The following HEATR5A variants were observed in gnomAD, a reference collection of about 807,000 sequenced individuals.
HEATR5A encodes the protein HEAT repeat-containing protein 5A.
A neutral mutation model predicts 218.8 loss-of-function variants in HEATR5A; 178 were observed. The observed-to-expected ratio is 0.81, with a 90% CI of 0.72 to 0.92. The LOEUF is 0.92. Ranked by LOEUF, HEATR5A falls within the 40% of genes least tolerant of loss-of-function variation. HEATR5A has a pLI of 0.00. For missense variants in HEATR5A, 2,420 were observed against 2,418.9 expected, an observed-to-expected ratio of 1.00 and a Z score of -0.01; for synonymous variants, 864 against 871.6, an observed-to-expected ratio of 0.99 and a Z score of 0.15.
rs1192717977 is a variant in HEATR5A, at chr14:31,295,278, C to A, written c.5619+631G>T. On this transcript the variant is annotated intron_variant, in intron 34 of 35. Coordinates refer to ENST00000543095, the MANE Select transcript of HEATR5A (RefSeq NM_015473.4). The stretch of plus-strand genomic sequence containing the variant: ...GTCTTTTTTTTGAGACAGCGTCTGG[C>A]TCTGTCATCCAGGCTGCGGTGCAGT... Among the ~76,000 whole-genome samples the A allele has an allele frequency of 4.6e-5, 7 of 152,112 alleles. No individual in the cohort carries two copies. The East Asian group carries it at 1.2e-3, about 25-fold the overall frequency.
chr14:31,306,412 G>A (rs553234811), intron 31 of HEATR5A, among the ~76,000 whole-genome samples: 2 of 152,294 alleles, frequency 1.3e-5, no homozygotes, highest in African/African-American at 4.8e-5. Context: ...GAGCCTGGGA[G>A]GTTGAGGCTG....
intron 12 of HEATR5A, among the ~76,000 whole-genome samples, chr14:31,374,012 C>A (rs982604212): frequency 6.6e-6 from 1 of 151,962 alleles, no homozygotes; most frequent in African/African-American, 2.4e-5. Context: ...ATACAACATA[C>A]AAAATATGTG....
Position 31,347,923 on chromosome 14 carries a change from T to C in HEATR5A, c.2709-16A>G. ...TGATTTCAATCTGTAAATATAAAAA[T>C]AAAAATAAACGGTAATCACTGCAAA... On this transcript the variant is annotated splice_polypyrimidine_tract_variant and intron_variant, in intron 18 of 35. Transcript: ENST00000543095. The C allele has an allele frequency of 2.8e-6, 4 of 1,431,524 alleles. No homozygotes were observed. The highest frequency in any genetic ancestry group is 3.7e-6 in the Non-Finnish European group (4 of 1,082,464). The allele number at this position is 1,431,524 out of a possible 1,614,324, so 88.7% of individuals were successfully genotyped here. A position where few individuals can be genotyped will look rare whatever the true frequency, so the allele number is the denominator to read the frequency against.
intron 33 of HEATR5A, among the ~76,000 whole-genome samples, chr14:31,300,931 A>C (rs999248861): frequency 1.3e-5 from 2 of 151,906 alleles, no homozygotes; most frequent in Non-Finnish European, 2.9e-5. Context: ...ATTTTTTTTT[A>C]TTGTACTAGA....
intron 1 of HEATR5A, among the ~76,000 whole-genome samples, chr14:31,416,598 G>T (rs2031458042): frequency 2.7e-5 from 4 of 149,126 alleles, no homozygotes; most frequent in East Asian, 2.0e-4. Context: ...AATATTTTGT[G>T]TTGTTACCAT....
At chr14:31,367,648 A>G (rs1178669932) in intron 13 of HEATR5A, among the ~76,000 whole-genome samples, 1 of 128,600 alleles carries the variant, frequency 7.8e-6, no homozygotes. Context: ...TGAACTTCTG[A>G]CCTCAAATGA....
chr14:31,352,483 T>TACAA, intron 16 of HEATR5A, among the ~76,000 whole-genome samples: 1 of 152,300 alleles, frequency 6.6e-6, no homozygotes, highest in East Asian at 1.9e-4. Flanking sequence ...ATCATTCTGC[T>TACAA]GAGGCTACAA....
intron 13 of HEATR5A, among the ~76,000 whole-genome samples, chr14:31,368,078 T>G (rs989519587): frequency 6.6e-6 from 1 of 152,048 alleles, no homozygotes; most frequent in Admixed American, 6.6e-5. Flanking sequence ...TGCTGGGAGG[T>G]AGGGCCTTTT....
chr14:31,315,056 C>T (rs1455759535), intron 27 of HEATR5A, among the ~76,000 whole-genome samples: 1 of 152,034 alleles, frequency 6.6e-6, no homozygotes, highest in African/African-American at 2.4e-5. Context: ...ACCTGTAGTC[C>T]CAGCTACTTG....
chr14:31,398,525 G>A, intron 4 of HEATR5A, 148 bp downstream of exon 4: 1 of 550,574 alleles, frequency 1.8e-6, no homozygotes, highest in Non-Finnish European at 3.2e-6. Flanking sequence ...TACATACAGT[G>A]CATCACCTAG....
At chr14:31,383,875 A>G in intron 9 of HEATR5A, 104 bp from the exon 10 acceptor site, 1 of 848,224 alleles carries the variant, frequency 1.2e-6, no homozygotes, top group Non-Finnish European at 1.7e-6. Flanking sequence ...ATATATTTTT[A>G]TCAAAAGCCA....
intron 11 of HEATR5A, among the ~76,000 whole-genome samples, chr14:31,377,189 C>T (rs1036159208): frequency 1.1e-4 from 17 of 148,478 alleles, no homozygotes; most frequent in Non-Finnish European, 2.2e-4. Context: ...CTTGGAGAAA[C>T]GGCTGATGGC....
rs1899509477 is a variant in HEATR5A, at chr14:31,304,988, T to C, written c.5156A>G (p.Gln1719Arg). Reference protein sequence around the residue: ...GSPGVKATKPQILLEDGSRLV... With the variant: ...GSPGVKATKPRILLEDGSRLV... ...TCTACTTCCATCTTCTAATAGTATC[T>C]GTGGCTTCGTAGCTTTTACTCCTGG... Residue 1719 changes from glutamine (Q) to arginine (R), a missense_variant, in exon 32 of 36, where the codon CAG becomes CGG. By Grantham distance (43) the Gln-to-Arg change is conservative. Coordinates refer to ENST00000543095, the MANE Select transcript of HEATR5A (RefSeq NM_015473.4). 5 of 1,614,022 alleles carry C rather than the reference T, an allele frequency of 3.1e-6. No individual in the cohort carries two copies. Among genetic ancestry groups the C allele is most frequent in the East Asian group, 4.5e-5 (2 of 44,886 alleles).
chr14:31,345,225 A>G lies in HEATR5A; in HGVS notation c.2920T>C (p.Tyr974His), dbSNP rs201244756. Reference protein sequence around the residue: ...SLIIDSAGPLYYVHVEPTLSL... With the variant: ...SLIIDSAGPLHYVHVEPTLSL... ...AGGGTAGGTTCCACATGCACATAAT[A>G]GAGTGGGCCAGCAGAATCAATGATC... The change falls in exon 20 of 36, where the codon TAT becomes CAT. Residue 974 changes from tyrosine (Y) to histidine (H), a missense_variant. Coordinates refer to ENST00000543095, the MANE Select transcript of HEATR5A (RefSeq NM_015473.4). The G allele has an allele frequency of 1.2e-6, 2 of 1,613,516 alleles. No individual in the cohort carries two copies. Among genetic ancestry groups the G allele is most frequent in the African/African-American group, 1.3e-5 (1 of 75,050 alleles).
In HEATR5A at chr14:31,416,589, A is replaced by G. The variant is rs78648334; in HGVS notation, c.-75+3883T>C. 8.8e-3 allele frequency among the ~76,000 whole-genome samples: 1,344 copies of G among 152,082 alleles called. 13 individuals carry two copies. Among genetic ancestry groups the G allele is most frequent in the African/African-American group, 0.031 (1,271 of 41,478 alleles). Reference sequence around the variant, plus strand: ...TATTATGCTTCTTTTCTAGAAATAAATATTTTGTGTTGTTACCATTAAAAA... The same window carrying G: ...TATTATGCTTCTTTTCTAGAAATAAGTATTTTGTGTTGTTACCATTAAAAA... On this transcript the variant is annotated intron_variant, in intron 1 of 35. Coordinates refer to ENST00000543095, the MANE Select transcript of HEATR5A (RefSeq NM_015473.4).
chr14:31,358,851 T>C (rs1901515566), intron 15 of HEATR5A, 39 bp from the exon 16 acceptor site: 1 of 1,608,836 alleles, frequency 6.2e-7, no homozygotes, highest in Non-Finnish European at 8.5e-7. Flanking sequence ...TTAAAATCAC[T>C]GATCACAGAT....
chr14:31,352,629 G>T (rs956100772), intron 16 of HEATR5A, among the ~76,000 whole-genome samples: 9 of 152,076 alleles, frequency 5.9e-5, no homozygotes, highest in African/African-American at 1.9e-4. Flanking sequence ...CATCATAAGG[G>T]TTGGGGAAAG....
rs17661360 is a variant in HEATR5A at position 31,383,584 on chromosome 14, A to C, written c.1533T>G (p.Ala511=). The C allele has an allele frequency of 6.2e-7, 1 of 1,613,882 alleles. No individual in the cohort carries two copies. The highest frequency in any genetic ancestry group is 1.3e-5 in the African/African-American group (1 of 74,948). Residue 511 remains alanine, a synonymous_variant, in exon 10 of 36, where the codon GCT becomes GCG. Transcript: ENST00000543095. ...TTACTGCTCCCAACAAAGCTGCTAC[A>C]GCAAAACTGAAGCCAGTCACTGCTT... ...SPEAVTGFSF[A]VAALLGAVKH... is the part of the protein sequence containing the mutation.
chr14:31,419,679 G>A (rs2031575688), intron 1 of HEATR5A, among the ~76,000 whole-genome samples: 1 of 152,218 alleles, frequency 6.6e-6, no homozygotes, highest in Non-Finnish European at 1.5e-5. Flanking sequence ...ATTATTATCT[G>A]ACTTGACAGT....
Sources: allele counts gnomAD v4.1 joint callset (sites outside exome capture counted in the v4.1 genomes callset), GRCh38; gene constraint gnomAD v4.1.1; transcripts MANE v1.5; gene names NCBI Gene and HGNC (gene_info 2026-07-23, HGNC 2026-07-21).